The following CDH23 variants were observed in gnomAD, a reference collection of about 807,000 sequenced individuals.
CDH23 encodes the protein cadherin related 23.
In CDH23, 189 loss-of-function variants were observed where a neutral mutation model predicts 317.1. The observed-to-expected ratio is 0.60, with a 90% CI of 0.53 to 0.67. The LOEUF (loss-of-function observed/expected upper bound fraction) is 0.67, where lower values mean the gene tolerates loss of function less well. CDH23 is among the 30% of genes least tolerant of loss of function. CDH23 has a pLI of 0.00. For synonymous variants in CDH23, 1,839 were observed against 1,876.8 expected (o/e 0.98, Z 0.52); for missense variants, 4,401 against 4,592.4 (o/e 0.96, Z 1.20).
chr10:71,474,944 A>G lies in CDH23; in HGVS notation c.145+28549A>G, dbSNP rs954666079. ...TAAAATGGGGCCATTGGCTTGGTCAATGTCTAAGACTGCTCTCATCTCTTT... is the reference window on the plus strand; with the variant it reads ...TAAAATGGGGCCATTGGCTTGGTCAGTGTCTAAGACTGCTCTCATCTCTTT... On this transcript the variant is annotated intron_variant, in intron 3 of 69. Transcript: ENST00000224721. 2.0e-5 allele frequency among the ~76,000 whole-genome samples: 3 copies of G among 152,342 alleles called. No individual in the cohort carries two copies. The East Asian group carries it at 5.8e-4, about 29-fold the overall frequency.
chr10:71,700,428 C>T (rs1865538641), intron 22 of CDH23, among the ~76,000 whole-genome samples: 1 of 152,306 alleles, frequency 6.6e-6, no homozygotes, highest in Admixed American at 6.5e-5. Flanking sequence ...TTGAGAGAAG[C>T]ATTGTAGAAA....
intron 3 of CDH23, among the ~76,000 whole-genome samples, chr10:71,492,691 C>G (rs116326863): frequency 0.011 from 1,618 of 152,314 alleles, 21 homozygotes; most frequent in African/African-American, 0.031. Context: ...GCCAGGCACT[C>G]CTCAAGGCTC....
chr10:71,573,907 C>A (rs985947851), intron 8 of CDH23, among the ~76,000 whole-genome samples: 6 of 152,252 alleles, frequency 3.9e-5, no homozygotes, highest in Non-Finnish European at 8.8e-5. Context: ...GTTCCCTCGC[C>A]TCTTGCAGAG....
intron 11 of CDH23, among the ~76,000 whole-genome samples, chr10:71,640,849 T>C (rs1862510974): frequency 6.6e-6 from 1 of 152,228 alleles, no homozygotes; most frequent in Admixed American, 6.5e-5. Context: ...CAATTTTGCA[T>C]TTCTAACAAG....
At chr10:71,424,573 G>A (rs1215043440) in intron 1 of CDH23, among the ~76,000 whole-genome samples, 2 of 152,224 alleles carry the variant, frequency 1.3e-5, no homozygotes, top group Non-Finnish European at 2.9e-5. Context: ...CTGAGGGTGT[G>A]CCTGGCAGCT....
At chr10:71,639,367 G>A (rs953953050) in intron 11 of CDH23, among the ~76,000 whole-genome samples, 4 of 152,240 alleles carry the variant, frequency 2.6e-5, no homozygotes, top group Non-Finnish European at 5.9e-5. Flanking sequence ...CAAGGGCAGG[G>A]AGGAGGCCTA....
At chr10:71,721,633 C>T (rs1318537428) in intron 28 of CDH23, among the ~76,000 whole-genome samples, 1 of 152,212 alleles carries the variant, frequency 6.6e-6, no homozygotes, top group East Asian at 1.9e-4. Context: ...GTCCTCCTCC[C>T]CACCATCAAC....
chr10:71,611,741 G>A (rs755091776), intron 9 of CDH23, among the ~76,000 whole-genome samples: 18 of 152,038 alleles, frequency 1.2e-4, no homozygotes, highest in South Asian at 4.2e-4. Flanking sequence ...TTTCTTTTCC[G>A]AATTGCTTTT....
intron 3 of CDH23, among the ~76,000 whole-genome samples, chr10:71,447,272 T>C (rs1026289955): frequency 6.6e-6 from 1 of 151,882 alleles, no homozygotes; most frequent in Non-Finnish European, 1.5e-5. Flanking sequence ...TGGGGCGGGG[T>C]ATCAAGATGC....
In CDH23 at chr10:71,397,204, G is replaced by A. The variant is rs1308609442; in HGVS notation, c.-120G>A. On this transcript the variant is annotated 5_prime_UTR_variant, in exon 1 of 70. Transcript: ENST00000224721. This position sits in a 1 kb window ranked among gnomAD's most constrained non-coding sequence, Gnocchi z 4.8. Reference sequence around the variant, plus strand: ...CACGCCGCGGATGAGCCTTCGCGCCGGCGGGAAGACGCGGCGGTGGCCAGG... The same window carrying A: ...CACGCCGCGGATGAGCCTTCGCGCCAGCGGGAAGACGCGGCGGTGGCCAGG... 5 of 243,360 alleles carry A rather than the reference G, an allele frequency of 2.1e-5. No homozygotes were observed. The East Asian group carries it at 5.1e-4, about 25-fold the overall frequency. 15.1% of individuals were successfully genotyped at this position (243,360 alleles called of 1,614,324 possible).
intron 3 of CDH23, among the ~76,000 whole-genome samples, chr10:71,498,536 T>C (rs188448788): frequency 3.2e-4 from 49 of 152,184 alleles, no homozygotes; most frequent in East Asian, 2.7e-3. Context: ...GGCAGGTTCT[T>C]CTGGCTGCAG....
chr10:71,462,366 C>T (rs17707219), intron 3 of CDH23, among the ~76,000 whole-genome samples: 20,963 of 152,272 alleles, frequency 0.14, 1,879 homozygotes, highest in Non-Finnish European at 0.21. Context: ...CGCCCCACCG[C>T]CATCTGCTTT....
intron 9 of CDH23, among the ~76,000 whole-genome samples, chr10:71,601,352 A>T (rs1047068105): frequency 3.9e-5 from 6 of 152,246 alleles, no homozygotes; most frequent in Non-Finnish European, 5.9e-5. Context: ...TGTGCTGGAC[A>T]CTGTGCTGAA....
chr10:71,608,375 A>G (rs765291744), intron 9 of CDH23, among the ~76,000 whole-genome samples: 2 of 152,138 alleles, frequency 1.3e-5, no homozygotes, highest in African/African-American at 2.4e-5. Flanking sequence ...GCACAGGTCA[A>G]TCTCATCCAG....
chr10:71,564,108 A>G (rs577031423), intron 6 of CDH23, among the ~76,000 whole-genome samples: 2 of 152,182 alleles, frequency 1.3e-5, no homozygotes, highest in East Asian at 1.9e-4. Flanking sequence ...CTCAGAATTC[A>G]TGCTCTGAGC....
Position 71,611,290 on chromosome 10 carries a change from GA to G in CDH23, c.833-4213del, listed in dbSNP as rs572476935. On this transcript the variant is annotated intron_variant, in intron 9 of 69. Transcript: ENST00000224721. Reference sequence around the variant, plus strand: ...CACCATCCTGAATGAGGGGGGAGCAGAGGTCAGAGCTCTGGGTTCAGGGCCC... The same window carrying G: ...CACCATCCTGAATGAGGGGGGAGCAGGGTCAGAGCTCTGGGTTCAGGGCCC... Among the ~76,000 whole-genome samples, 445 of 152,342 alleles carry G rather than the reference GA, an allele frequency of 2.9e-3. 5 individuals carry two copies. The highest frequency in any genetic ancestry group is 3.9e-3 in the Admixed American group (59 of 15,306).
intron 6 of CDH23, among the ~76,000 whole-genome samples, chr10:71,546,953 T>C (rs556043699): frequency 1.3e-5 from 2 of 152,268 alleles, no homozygotes; most frequent in Non-Finnish European, 2.9e-5. Flanking sequence ...GCCATCTCAT[T>C]AAATAGGCAG....
At chr10:71,616,478 T>C (rs1431010250) in intron 10 of CDH23, among the ~76,000 whole-genome samples, 1 of 152,254 alleles carries the variant, frequency 6.6e-6, no homozygotes, top group East Asian at 1.9e-4. Flanking sequence ...TGGTCAGCTC[T>C]ACCAGAGAGA....
At chr10:71,424,720 C>T (rs537501468) in intron 1 of CDH23, among the ~76,000 whole-genome samples, 3 of 152,336 alleles carry the variant, frequency 2.0e-5, no homozygotes, top group African/African-American at 7.2e-5. Flanking sequence ...TACTGTCCGC[C>T]AGGCTCTGGG....
Sources: gnomAD v4.1 joint callset for allele counts (sites outside exome capture counted in the v4.1 genomes callset) on GRCh38, gnomAD v4.1.1 for gene constraint, Gnocchi (gnomAD v3.1) non-coding constraint, MANE v1.5 for transcripts, NCBI Gene and HGNC (gene_info 2026-07-23, HGNC 2026-07-21) for gene names.